Variants in CNTNAP2 observed in about 807,000 individuals in gnomAD.
CNTNAP2 encodes contactin associated protein 2.
A neutral mutation model predicts 155.2 loss-of-function variants in CNTNAP2; 98 were observed. That is an observed-to-expected ratio of 0.63 (90% CI 0.54 to 0.75). CNTNAP2 has a LOEUF of 0.75. Among genes scored for constraint, CNTNAP2 ranks in the 30% least tolerant of loss-of-function variants. The pLI is 0.00. For synonymous variants in CNTNAP2, 651 were observed against 631.2 expected, an observed-to-expected ratio of 1.03 and a Z score of -0.47; for missense variants, 1,727 against 1,688.1, an observed-to-expected ratio of 1.02 and a Z score of -0.40.
chr7:147,534,256 C>T (rs1170402763), intron 11 of CNTNAP2, among the ~76,000 whole-genome samples: 1 of 152,112 alleles, frequency 6.6e-6, no homozygotes, highest in Non-Finnish European at 1.5e-5. Flanking sequence ...CACTGCAGAG[C>T]CCCTGGCAAA....
chr7:146,871,524 C>T lies in CNTNAP2; in HGVS notation c.402+31620C>T, dbSNP rs189631130. ...CAGCCTGGGTGACTGAGCAAGGCTCCGTCTAAAAAAAAATAAATAAATAAA... is the reference window on the plus strand; with the variant it reads ...CAGCCTGGGTGACTGAGCAAGGCTCTGTCTAAAAAAAAATAAATAAATAAA... On this transcript the variant is annotated intron_variant, in intron 3 of 23. Transcript: ENST00000361727. 1.1e-3 allele frequency among the ~76,000 whole-genome samples: 157 copies of T among 148,794 alleles called. 1 individual carries two copies. The highest frequency in any genetic ancestry group is 1.7e-3 in the Non-Finnish European group (112 of 67,544).
At chr7:148,158,043 ATCTC>A (rs1390410307) in intron 17 of CNTNAP2, among the ~76,000 whole-genome samples, 1 of 151,984 alleles carries the variant, frequency 6.6e-6, no homozygotes, top group East Asian at 1.9e-4. Flanking sequence ...CAATAGAACC[ATCTC>A]CACCTACGAC....
intron 11 of CNTNAP2, among the ~76,000 whole-genome samples, chr7:147,546,041 A>G (rs1358061174): frequency 6.6e-6 from 1 of 152,184 alleles, no homozygotes; most frequent in African/African-American, 2.4e-5. Flanking sequence ...CATGTGGAAC[A>G]GTGAGTCAAT....
intron 4 of CNTNAP2, among the ~76,000 whole-genome samples, chr7:147,049,705 C>A (rs1013466057): frequency 6.6e-6 from 1 of 152,124 alleles, no homozygotes; most frequent in Admixed American, 6.5e-5. Flanking sequence ...TACCTGGGAT[C>A]TATCTTAAAC....
intron 1 of CNTNAP2, chr7:146,208,560 G>A (rs1189482872): frequency 6.6e-6 from 1 of 151,606 alleles, no homozygotes; most frequent in Non-Finnish European, 1.5e-5. Flanking sequence ...CTCATATAAT[G>A]AGATAATGGT....
chr7:148,224,880 G>T (rs914599843), intron 19 of CNTNAP2, among the ~76,000 whole-genome samples: 1 of 152,118 alleles, frequency 6.6e-6, no homozygotes, highest in Admixed American at 6.6e-5. Context: ...AAAACCATCC[G>T]ATCTCATCAC....
chr7:146,296,733 AAC>A (rs34382334), intron 1 of CNTNAP2, among the ~76,000 whole-genome samples: 13,044 of 152,188 alleles, frequency 0.086, 1,568 homozygotes, highest in African/African-American at 0.27. Flanking sequence ...TAGTATAAAT[AAC>A]ACAGTTACAA....
chr7:147,579,265 C>T (rs1422043982), intron 12 of CNTNAP2, among the ~76,000 whole-genome samples: 3 of 151,958 alleles, frequency 2.0e-5, no homozygotes, highest in African/African-American at 7.3e-5. Flanking sequence ...TTGTTATCTC[C>T]CAGGTACAGT....
intron 1 of CNTNAP2, among the ~76,000 whole-genome samples, chr7:146,172,703 A>G (rs1798412636): frequency 6.6e-6 from 1 of 152,190 alleles, no homozygotes; most frequent in South Asian, 2.1e-4. Flanking sequence ...TCTTGTAATT[A>G]ATTAGCAACC....
chr7:147,195,004 G>A (rs967534423), intron 8 of CNTNAP2, among the ~76,000 whole-genome samples: 2 of 152,148 alleles, frequency 1.3e-5, no homozygotes, highest in Non-Finnish European at 2.9e-5. Context: ...CCATGCTTAT[G>A]TCCTAAATGG....
At chr7:147,358,482 A>G (rs1796097592) in intron 9 of CNTNAP2, among the ~76,000 whole-genome samples, 1 of 152,138 alleles carries the variant, frequency 6.6e-6, no homozygotes. Flanking sequence ...TTGAGTAAAC[A>G]TAGCTGAGTA....
intron 1 of CNTNAP2, among the ~76,000 whole-genome samples, chr7:146,484,644 A>G (rs765451643): frequency 6.6e-6 from 1 of 152,156 alleles, no homozygotes; most frequent in Non-Finnish European, 1.5e-5. Flanking sequence ...GAAAGAAAAG[A>G]AAGAAAGAAA....
chr7:148,178,217 T>G (rs1262564781), intron 18 of CNTNAP2, among the ~76,000 whole-genome samples: 1 of 152,206 alleles, frequency 6.6e-6, no homozygotes, highest in Non-Finnish European at 1.5e-5. Flanking sequence ...TCATCTGCAC[T>G]TTTTTTAACT....
chr7:147,463,761 C>T (rs779549279), intron 10 of CNTNAP2, among the ~76,000 whole-genome samples: 1 of 152,056 alleles, frequency 6.6e-6, no homozygotes, highest in African/African-American at 2.4e-5. Context: ...GCCTTCCAAA[C>T]GGAATAGCAG....
intron 3 of CNTNAP2, among the ~76,000 whole-genome samples, chr7:146,975,807 G>A (rs1261758415): frequency 6.6e-6 from 1 of 152,178 alleles, no homozygotes; most frequent in Non-Finnish European, 1.5e-5. Flanking sequence ...TAGAGAGCAT[G>A]TGAATTAAGA....
chr7:146,904,506 C>A (rs1277970308), intron 3 of CNTNAP2, among the ~76,000 whole-genome samples: 1 of 152,176 alleles, frequency 6.6e-6, no homozygotes, highest in Non-Finnish European at 1.5e-5. Context: ...GAGTCTTGCT[C>A]TGTCACCCAG....
At chr7:147,497,122 T>A (rs920489812) in intron 11 of CNTNAP2, 4 of 152,208 alleles carry the variant, frequency 2.6e-5, no homozygotes, top group African/African-American at 9.6e-5. Flanking sequence ...AAATCGCTGA[T>A]TTGGAAATCT....
intron 15 of CNTNAP2, among the ~76,000 whole-genome samples, chr7:148,010,578 T>C (rs1235475056): frequency 6.6e-6 from 1 of 151,916 alleles, no homozygotes. Flanking sequence ...TTTTGACACA[T>C]ATACAACCAA....
chr7:147,961,026 G>T (rs1033427570), intron 14 of CNTNAP2, among the ~76,000 whole-genome samples: 3 of 152,102 alleles, frequency 2.0e-5, no homozygotes, highest in African/African-American at 7.2e-5. Flanking sequence ...GAGAAGTCCA[G>T]TGTATTCCCT....
Sources: allele counts gnomAD v4.1 joint callset (sites outside exome capture counted in the v4.1 genomes callset), GRCh38; gene constraint gnomAD v4.1.1; transcripts MANE v1.5; gene names NCBI Gene and HGNC (gene_info 2026-07-23, HGNC 2026-07-21).